Variants in TMEM266 observed in about 807,000 individuals in gnomAD.
The protein encoded by TMEM266 is transmembrane protein 266, also known as Hv1 related protein 1.
In TMEM266, 33 loss-of-function variants were observed where a neutral mutation model predicts 50.5. The observed-to-expected ratio is 0.65, with a 90% CI of 0.50 to 0.87. TMEM266 has a LOEUF of 0.87. Ranked by LOEUF, TMEM266 falls within the 40% of genes least tolerant of loss-of-function variation. The pLI is 0.00. For missense variants in TMEM266, 655 were observed against 695.1 expected (o/e 0.94, Z 0.65); for synonymous variants, 310 against 292.3 (o/e 1.06, Z -0.62).
At chr15:76,157,111 T>C (rs181957837) in intron 4 of TMEM266, among the ~76,000 whole-genome samples, 128 of 152,334 alleles carry the variant, frequency 8.4e-4, no homozygotes, top group African/African-American at 3.0e-3. Flanking sequence ...GAATTTTCTG[T>C]AGTCTAAAGA....
At chr15:76,167,338 C>T (rs1266174093) in intron 5 of TMEM266, among the ~76,000 whole-genome samples, 1 of 151,492 alleles carries the variant, frequency 6.6e-6, no homozygotes, top group Admixed American at 6.6e-5. Flanking sequence ...GGCATGGTGG[C>T]GGGTGCCTGT....
At chr15:76,195,208 C>A (rs2038636626) in intron 9 of TMEM266, among the ~76,000 whole-genome samples, 1 of 152,198 alleles carries the variant, frequency 6.6e-6, no homozygotes, top group Admixed American at 6.5e-5. Flanking sequence ...CCGGATCCTG[C>A]CCCACTGCCA....
intron 1 of TMEM266, among the ~76,000 whole-genome samples, chr15:76,116,009 C>T (rs2037240855): frequency 6.6e-6 from 1 of 152,062 alleles, no homozygotes; most frequent in South Asian, 2.1e-4. Flanking sequence ...CCCTGCCCCG[C>T]CCCCCACATT....
intron 3 of TMEM266, among the ~76,000 whole-genome samples, chr15:76,150,610 A>C (rs1283087808): frequency 6.6e-6 from 1 of 152,210 alleles, no homozygotes; most frequent in Non-Finnish European, 1.5e-5. Flanking sequence ...CCAGCCACAG[A>C]CAGCCTGGCA....
At chr15:76,133,201 A>G (rs868319795) in intron 1 of TMEM266, among the ~76,000 whole-genome samples, 2 of 152,134 alleles carry the variant, frequency 1.3e-5, no homozygotes, top group Non-Finnish European at 2.9e-5. Context: ...TGGGAGGCCG[A>G]GGCGGGCGGA....
At chr15:76,198,165 G>A (rs1283632715) in intron 9 of TMEM266, among the ~76,000 whole-genome samples, 1 of 152,160 alleles carries the variant, frequency 6.6e-6, no homozygotes, top group Non-Finnish European at 1.5e-5. Context: ...CCCATTTTAT[G>A]GATGAAGAAG....
At chr15:76,060,444 G>A (rs1488721893) in intron 1 of TMEM266, among the ~76,000 whole-genome samples, 1 of 152,104 alleles carries the variant, frequency 6.6e-6, no homozygotes, top group African/African-American at 2.4e-5. Context: ...GTATAGAGGT[G>A]GAAATCCCAC....
At chr15:76,112,497 C>A (rs1021468911) in intron 1 of TMEM266, 3 of 152,072 alleles carry the variant, frequency 2.0e-5, no homozygotes. Context: ...CAAATTATTC[C>A]AAGAGAAGAT....
At chr15:76,086,968 G>C (rs1359544421) in intron 1 of TMEM266, among the ~76,000 whole-genome samples, 1 of 151,822 alleles carries the variant, frequency 6.6e-6, no homozygotes, top group Admixed American at 6.6e-5. Context: ...GTACCCTCTG[G>C]TCCTTTTATT....
At chr15:76,196,597 A>G (rs2038660630) in intron 9 of TMEM266, among the ~76,000 whole-genome samples, 1 of 151,330 alleles carries the variant, frequency 6.6e-6, no homozygotes, top group African/African-American at 2.4e-5. Flanking sequence ...CCTTCAGGCC[A>G]GCGAGGCTCT....
At chr15:76,192,228 C>T (rs919915458) in intron 9 of TMEM266, 71 bp downstream of exon 9, 17 of 1,325,118 alleles carry the variant, frequency 1.3e-5, no homozygotes, top group African/African-American at 4.7e-5. Flanking sequence ...TCTCGCGCCC[C>T]GGGACTGTGC....
chr15:76,191,889 G>C (rs2038577694), intron 8 of TMEM266, 79 bp from the exon 9 acceptor site: 1 of 1,349,100 alleles, frequency 7.4e-7, no homozygotes, highest in South Asian at 1.5e-5. Context: ...CCATGCAGGA[G>C]CAAAGCGCCC....
chr15:76,203,850 C>T lies in TMEM266; in HGVS notation c.1131C>T (p.Leu377=), dbSNP rs1467833800. Residue 377 remains leucine (L), a synonymous_variant, in exon 11 of 11, where the codon CTC becomes CTT. Coordinates refer to ENST00000388942, the MANE Select transcript of TMEM266 (RefSeq NM_152335.3). The stretch of plus-strand genomic sequence containing the variant: ...TCTCTCTGGACATGCCCCTCAAACT[C>T]GGCGGTAATGGCACCAGCGCCACCT... 8.1e-6 allele frequency: 13 copies of T among 1,614,074 alleles called. No individual in the cohort carries two copies. The highest frequency in any genetic ancestry group is 2.7e-5 in the African/African-American group (2 of 74,930).
At chr15:76,083,923 TA>T (rs750332263) in intron 1 of TMEM266, among the ~76,000 whole-genome samples, 15 of 151,934 alleles carry the variant, frequency 9.9e-5, no homozygotes, top group Non-Finnish European at 1.9e-4. Context: ...TTGAGCAGAG[TA>T]TTAGGATGGG....
chr15:76,180,771 G>A (rs1030784723), intron 8 of TMEM266, among the ~76,000 whole-genome samples: 7 of 151,722 alleles, frequency 4.6e-5, no homozygotes, highest in Non-Finnish European at 7.4e-5. Context: ...CTGCCACCAT[G>A]CCCAGCTAAT....
chr15:76,062,820 A>C lies in TMEM266; in HGVS notation c.-97+2804A>C, dbSNP rs147267900. 7.4e-3 allele frequency among the ~76,000 whole-genome samples: 1,125 copies of C among 152,278 alleles called. 12 individuals are homozygous for C. Among genetic ancestry groups the C allele is most frequent in the Middle Eastern group, 0.024 (7 of 294 alleles). On this transcript the variant is annotated intron_variant, in intron 1 of 10. Transcript: ENST00000388942. ...TTAAAACATATATTTAAACTGGGAAAGTCATATGGGAAACTATTAATGCTT... is the reference window on the plus strand; with the variant it reads ...TTAAAACATATATTTAAACTGGGAACGTCATATGGGAAACTATTAATGCTT...
At chr15:76,105,533 A>G (rs935454392) in intron 1 of TMEM266, among the ~76,000 whole-genome samples, 2 of 152,226 alleles carry the variant, frequency 1.3e-5, no homozygotes, top group Admixed American at 6.5e-5. Context: ...TCTGGGACAC[A>G]TGGTCTCTGT....
chr15:76,125,751 G>A (rs774499048), intron 1 of TMEM266, among the ~76,000 whole-genome samples: 1 of 151,804 alleles, frequency 6.6e-6, no homozygotes, highest in South Asian at 2.1e-4. Flanking sequence ...GGGAGGCTGA[G>A]GCAGGAGAAT....
At chr15:76,096,960 T>TA (rs2036930277) in intron 1 of TMEM266, among the ~76,000 whole-genome samples, 9 of 151,522 alleles carry the variant, frequency 5.9e-5, no homozygotes, top group Non-Finnish European at 1.2e-4. Flanking sequence ...GCTTTCCATT[T>TA]TCCTGGTAAA....
Sources: allele counts gnomAD v4.1 joint callset (sites outside exome capture counted in the v4.1 genomes callset), GRCh38; gene constraint gnomAD v4.1.1; transcripts MANE v1.5; gene names NCBI Gene and HGNC (gene_info 2026-07-23, HGNC 2026-07-21).